Variants in PCCA observed in about 807,000 individuals in gnomAD.
PCCA encodes propionyl-CoA carboxylase subunit alpha, also known as propionyl-CoA carboxylase alpha chain, mitochondrial.
Under a neutral mutation model 101.3 loss-of-function variants are expected in PCCA, and 74 were observed. The observed-to-expected ratio is 0.73, with a 90% CI of 0.61 to 0.89. The LOEUF (loss-of-function observed/expected upper bound fraction) is 0.89, where lower values mean the gene tolerates loss of function less well. Among genes scored for constraint, PCCA ranks in the 40% least tolerant of loss-of-function variants. The pLI, the probability that PCCA is intolerant of heterozygous loss-of-function variation, is 0.00. For missense variants in PCCA, 891 were observed against 907.0 expected, an observed-to-expected ratio of 0.98 and a Z score of 0.23; for synonymous variants, 294 against 313.6, an observed-to-expected ratio of 0.94 and a Z score of 0.66.
chr13:100,382,832 G>A (rs1286371132), intron 19 of PCCA, among the ~76,000 whole-genome samples: 4 of 152,150 alleles, frequency 2.6e-5, no homozygotes, highest in African/African-American at 9.7e-5. Context: ...ATAAGGGAAG[G>A]CAGAGTTGGA....
intron 6 of PCCA, among the ~76,000 whole-genome samples, chr13:100,170,226 T>G (rs1170766993): frequency 6.6e-6 from 1 of 152,256 alleles, no homozygotes; most frequent in East Asian, 1.9e-4. Context: ...TATTTGTATG[T>G]GACTCCTAAG....
At chr13:100,318,333 G>C (rs2067602062) in intron 16 of PCCA, among the ~76,000 whole-genome samples, 8 of 151,442 alleles carry the variant, frequency 5.3e-5, no homozygotes, top group Admixed American at 3.9e-4. Flanking sequence ...ATCTCTCTCT[G>C]TCTCTGTCTC....
At chr13:100,229,380 A>C (rs919911387) in intron 7 of PCCA, among the ~76,000 whole-genome samples, 15 of 152,236 alleles carry the variant, frequency 9.9e-5, no homozygotes, top group African/African-American at 3.1e-4. Context: ...CTTCTCTTAG[A>C]AGCAAAATTT....
chr13:100,289,251 T>C (rs1263596200), intron 12 of PCCA, among the ~76,000 whole-genome samples: 1 of 152,198 alleles, frequency 6.6e-6, no homozygotes, highest in African/African-American at 2.4e-5. Flanking sequence ...CTGTTTTGTC[T>C]GGTCCTTTAT....
chr13:100,415,481 A>C (rs1186846707), intron 19 of PCCA, among the ~76,000 whole-genome samples: 3 of 152,230 alleles, frequency 2.0e-5, no homozygotes, highest in Non-Finnish European at 2.9e-5. Context: ...TCTAAGATAT[A>C]CTATGAAAGT....
chr13:100,486,741 C>G (rs962787429), intron 21 of PCCA, among the ~76,000 whole-genome samples: 1 of 152,088 alleles, frequency 6.6e-6, no homozygotes, highest in Non-Finnish European at 1.5e-5. Flanking sequence ...AGTGAGACCT[C>G]ATCTCTGCAA....
intron 7 of PCCA, among the ~76,000 whole-genome samples, chr13:100,230,615 G>C (rs967186373): frequency 2.6e-5 from 4 of 151,748 alleles, no homozygotes; most frequent in Non-Finnish European, 4.4e-5. Context: ...GGAGGAAATG[G>C]TCATTTTCCT....
chr13:100,210,030 C>T (rs2059112979), intron 7 of PCCA, among the ~76,000 whole-genome samples: 1 of 152,078 alleles, frequency 6.6e-6, no homozygotes, highest in South Asian at 2.1e-4. Flanking sequence ...TCATAGCTCA[C>T]TGTAACCTTG....
At chr13:100,499,948 G>A (rs2057450) in intron 21 of PCCA, among the ~76,000 whole-genome samples, 35,740 of 152,018 alleles carry the variant, frequency 0.24, 5,034 homozygotes, top group East Asian at 0.55. Flanking sequence ...TGCTTCTGTC[G>A]TTTGGGGAAA....
chr13:100,182,102 T>C (rs1412725887), intron 6 of PCCA, among the ~76,000 whole-genome samples: 11 of 143,404 alleles, frequency 7.7e-5, no homozygotes, highest in African/African-American at 2.3e-4. Flanking sequence ...CTTTTTCTTT[T>C]TTTTTTTTTT....
chr13:100,348,219 C>T (rs1428622413), intron 18 of PCCA, among the ~76,000 whole-genome samples: 5 of 152,162 alleles, frequency 3.3e-5, no homozygotes, highest in Admixed American at 3.3e-4. Flanking sequence ...CTTGTTTTGG[C>T]TGCTGATCTT....
chr13:100,396,131 G>A (rs1195911916), intron 19 of PCCA, among the ~76,000 whole-genome samples: 1 of 152,190 alleles, frequency 6.6e-6, no homozygotes, highest in Non-Finnish European at 1.5e-5. Flanking sequence ...CTTACCAGTT[G>A]TGTAAAGTTG....
intron 6 of PCCA, among the ~76,000 whole-genome samples, chr13:100,174,132 A>G (rs1205295869): frequency 6.6e-6 from 1 of 152,130 alleles, no homozygotes; most frequent in Non-Finnish European, 1.5e-5. Context: ...AAACCTGTAT[A>G]TGTGCCTTAT....
intron 19 of PCCA, among the ~76,000 whole-genome samples, chr13:100,389,172 A>G (rs1188114804): frequency 6.6e-6 from 1 of 152,114 alleles, no homozygotes; most frequent in Non-Finnish European, 1.5e-5. Flanking sequence ...TATGTAGCGG[A>G]GGCCCCGAAC....
intron 6 of PCCA, among the ~76,000 whole-genome samples, chr13:100,185,184 T>C (rs2057145667): frequency 6.6e-6 from 1 of 152,160 alleles, no homozygotes; most frequent in Admixed American, 6.5e-5. Context: ...GGGAATCATT[T>C]TCTTGCTTCT....
chr13:100,274,860 C>G (rs2063534269), intron 12 of PCCA, among the ~76,000 whole-genome samples: 2 of 152,010 alleles, frequency 1.3e-5, no homozygotes, highest in African/African-American at 4.8e-5. Context: ...ACTCTTCAGT[C>G]CAATTCACCA....
intron 19 of PCCA, among the ~76,000 whole-genome samples, chr13:100,403,712 T>C (rs2077503795): frequency 6.6e-6 from 1 of 152,036 alleles, no homozygotes; most frequent in Admixed American, 6.6e-5. Flanking sequence ...CAGGGTTTTA[T>C]TGGGTGAAAA....
At chr13:100,517,418 G>A (rs944704199) in intron 22 of PCCA, among the ~76,000 whole-genome samples, 10 of 152,156 alleles carry the variant, frequency 6.6e-5, no homozygotes, top group African/African-American at 1.4e-4. Flanking sequence ...AAGGCATTTC[G>A]TAAATGGGAA....
chr13:100,460,516 A>T (rs2082098396), intron 21 of PCCA, among the ~76,000 whole-genome samples: 1 of 152,236 alleles, frequency 6.6e-6, no homozygotes, highest in South Asian at 2.1e-4. Flanking sequence ...TCAAATTTTC[A>T]GTATCTTTGA....
Sources: allele counts gnomAD v4.1 joint callset (sites outside exome capture counted in the v4.1 genomes callset), GRCh38; gene constraint gnomAD v4.1.1; transcripts MANE v1.5; gene names NCBI Gene and HGNC (gene_info 2026-07-23, HGNC 2026-07-21).